The following PCCB variants were observed in gnomAD, a reference collection of about 807,000 sequenced individuals.
PCCB encodes propionyl-CoA carboxylase subunit beta.
PCCB carries 43 observed loss-of-function variants against 60.7 expected under a neutral mutation model. The ratio of observed to expected loss-of-function variants is 0.71; its 90% CI spans 0.55 to 0.91. PCCB has a LOEUF of 0.91. Ranked by LOEUF, PCCB falls within the 40% of genes least tolerant of loss-of-function variation. PCCB has a pLI of 0.00. For synonymous variants in PCCB, 276 were observed against 255.9 expected, an observed-to-expected ratio of 1.08 and a Z score of -0.75; for missense variants, 766 against 702.8, an observed-to-expected ratio of 1.09 and a Z score of -1.02.
At chr3:136,270,851 G>A (rs1423533839) in intron 5 of PCCB, among the ~76,000 whole-genome samples, 1 of 152,074 alleles carries the variant, frequency 6.6e-6, no homozygotes, top group African/African-American at 2.4e-5. Context: ...GAGTAAGGTG[G>A]TATCTCATTG....
At chr3:136,319,954 A>T (rs1327111845) in intron 10 of PCCB, among the ~76,000 whole-genome samples, 1 of 152,120 alleles carries the variant, frequency 6.6e-6, no homozygotes, top group African/African-American at 2.4e-5. Flanking sequence ...TGTTGAAGAG[A>T]TTATTCTTTC....
intron 5 of PCCB, among the ~76,000 whole-genome samples, chr3:136,282,858 G>T (rs1201604546): frequency 6.6e-6 from 1 of 152,172 alleles, no homozygotes; most frequent in Non-Finnish European, 1.5e-5. Flanking sequence ...GGCTTTCACT[G>T]TTCTTATCTC....
intron 5 of PCCB, among the ~76,000 whole-genome samples, chr3:136,268,118 A>ATATATG (rs1560002583): frequency 7.7e-6 from 1 of 130,116 alleles, no homozygotes; most frequent in East Asian, 2.1e-4. Flanking sequence ...ATATATATAT[A>ATATATG]TATGTATATA....
At chr3:136,319,489 C>T (rs1017834560) in intron 10 of PCCB, among the ~76,000 whole-genome samples, 1 of 151,874 alleles carries the variant, frequency 6.6e-6, no homozygotes, top group Non-Finnish European at 1.5e-5. Flanking sequence ...CTCTGTGCCC[C>T]GAGTTTCAAG....
chr3:136,328,733 T>C (rs368119757), intron 13 of PCCB, 25 bp from the exon 14 acceptor site: 3 of 1,583,656 alleles, frequency 1.9e-6, no homozygotes, highest in African/African-American at 1.3e-5. Context: ...CGACCAAAGA[T>C]GTTCATGAAC....
At chr3:136,289,104 C>T (rs1933559393) in intron 6 of PCCB, among the ~76,000 whole-genome samples, 1 of 152,172 alleles carries the variant, frequency 6.6e-6, no homozygotes, top group Non-Finnish European at 1.5e-5. Context: ...GTAATCCTCT[C>T]ACCTAGGGCC....
intron 5 of PCCB, among the ~76,000 whole-genome samples, chr3:136,268,051 T>TGTGTGTGTGTGTGC (rs1942055489): frequency 1.0e-5 from 1 of 99,068 alleles, no homozygotes; most frequent in African/African-American, 3.4e-5. Flanking sequence ...ACCTGGCTAG[T>TGTGTGTGTGTGTGC]GTGTGTGTGT....
At chr3:136,319,625 T>C (rs1471469365) in intron 10 of PCCB, among the ~76,000 whole-genome samples, 1 of 152,214 alleles carries the variant, frequency 6.6e-6, no homozygotes, top group Non-Finnish European at 1.5e-5. Context: ...CTCGAACTCC[T>C]GACTTCCAGT....
In PCCB at chr3:136,302,454, C is replaced by T. The variant is rs1011993609; in HGVS notation, c.966+1343C>T. On this transcript the variant is annotated intron_variant, in intron 9 of 14. Transcript: ENST00000251654. ...CTTTTTCTTAAGGTACATATGATAA[C>T]TCTTGATTCTCATTATAAAGTTTTA... Among the ~76,000 whole-genome samples, 18 of 121,238 alleles carry T rather than the reference C, an allele frequency of 1.5e-4. 4 individuals carry two copies. The highest frequency in any genetic ancestry group is 4.5e-4 in the African/African-American group (18 of 39,922). 79.5% of individuals were successfully genotyped at this position (121,238 alleles called of 152,430 possible).
chr3:136,326,901 T>G lies in PCCB; in HGVS notation c.1189T>G (p.Phe397Val). The G allele has an allele frequency of 6.2e-7, 1 of 1,606,038 alleles. No homozygotes were observed. The highest frequency in any genetic ancestry group is 8.5e-7 in the Non-Finnish European group (1 of 1,172,598). The change falls in exon 11 of 15, where the codon TTT becomes GTT. Residue 397 changes from phenylalanine to valine, a missense_variant. Physicochemically the swap from Phe to Val is conservative, Grantham distance 50 (BLOSUM62 -1). Transcript: ENST00000251654. ...PLITFVDVPG[F>V]LPGTAQEYGG... ...CATCACTTTTGTTGATGTCCCTGGC[T>G]TTCTACCTGGTAAGTTTTTGACAGA...
intron 9 of PCCB, among the ~76,000 whole-genome samples, chr3:136,315,911 TTATATA>T (rs144372137): frequency 2.7e-5 from 4 of 150,704 alleles, no homozygotes; most frequent in Non-Finnish European, 5.9e-5. Flanking sequence ...TCTTATGTGT[TTATATA>T]TATATAAAAG....
intron 6 of PCCB, among the ~76,000 whole-genome samples, chr3:136,288,866 G>A (rs980545297): frequency 6.6e-6 from 1 of 151,930 alleles, no homozygotes; most frequent in African/African-American, 2.4e-5. Flanking sequence ...GCAGTGGTGC[G>A]ATCTCGGCTC....
intron 12 of PCCB, 140 bp downstream of exon 12, chr3:136,327,395 C>A: frequency 1.3e-6 from 1 of 762,840 alleles, no homozygotes; most frequent in Non-Finnish European, 2.3e-6. Flanking sequence ...GGATGTTGTT[C>A]CCAGCCCCGC....
chr3:136,294,653 C>A (rs1388811250), intron 7 of PCCB, among the ~76,000 whole-genome samples: 1 of 151,114 alleles, frequency 6.6e-6, no homozygotes, highest in Admixed American at 6.6e-5. Context: ...TGCTATTGCC[C>A]AGGCTGGAGT....
rs1941790634 is a variant in PCCB, at chr3:136,260,462, T to C, written c.373-17T>C. 1 of 1,606,442 alleles carries C rather than the reference T, an allele frequency of 6.2e-7. No homozygotes were observed. The highest frequency in any genetic ancestry group is 8.5e-7 in the Non-Finnish European group (1 of 1,173,850). On this transcript the variant is annotated splice_polypyrimidine_tract_variant and intron_variant, in intron 3 of 14. Coordinates refer to ENST00000251654, the MANE Select transcript of PCCB (RefSeq NM_000532.5). ...CAGTCACTATATTTGACTTGCTGAT[T>C]TGTATTTTCTTTTTAGGATTTTACA...
At chr3:136,261,327 G>A (rs1402283925) in intron 4 of PCCB, among the ~76,000 whole-genome samples, 1 of 152,210 alleles carries the variant, frequency 6.6e-6, no homozygotes, top group East Asian at 1.9e-4. Flanking sequence ...GTCCTGTCAT[G>A]TATTACTCCT....
chr3:136,322,726 G>T lies in PCCB; in HGVS notation c.1091-4077G>T, dbSNP rs149894533. 1.3e-3 allele frequency among the ~76,000 whole-genome samples: 197 copies of T among 152,282 alleles called. 2 individuals are homozygous for T. In the East Asian group the frequency reaches 0.025, roughly 20 times the overall value. On this transcript the variant is annotated intron_variant, in intron 10 of 14. Transcript: ENST00000251654. ...ATGTAGCTTTGTGATACCGTCTAGTGTTCTTTTCTTTTAACCTGAAGGGCT... is the reference window on the plus strand; with the variant it reads ...ATGTAGCTTTGTGATACCGTCTAGTTTTCTTTTCTTTTAACCTGAAGGGCT...
chr3:136,311,177 A>T (rs1934653133), intron 9 of PCCB, among the ~76,000 whole-genome samples: 1 of 152,164 alleles, frequency 6.6e-6, no homozygotes, highest in African/African-American at 2.4e-5. Flanking sequence ...AACTCTAGAG[A>T]ATGCATTATT....
intron 3 of PCCB, chr3:136,259,292 C>G: frequency 2.1e-6 from 1 of 483,826 alleles, no homozygotes; most frequent in Non-Finnish European, 3.3e-6. Context: ...CATGGCAAAA[C>G]TGTCTCTAAT....
Sources: allele counts gnomAD v4.1 joint callset (sites outside exome capture counted in the v4.1 genomes callset), GRCh38; gene constraint gnomAD v4.1.1; transcripts MANE v1.5; gene names NCBI Gene and HGNC (gene_info 2026-07-23, HGNC 2026-07-21).